ATAD3B: variants seen among roughly 807,000 people sequenced by gnomAD.
ATAD3B encodes the protein ATPase family AAA domain containing 3B, also known as ATPase family AAA domain-containing protein 3B.
ATAD3B carries 59 observed loss-of-function variants against 70.2 expected under a neutral mutation model. The ratio of observed to expected loss-of-function variants is 0.84; its 90% CI spans 0.68 to 1.04. The LOEUF (loss-of-function observed/expected upper bound fraction) is 1.04, where lower values mean the gene tolerates loss of function less well. Among genes scored for constraint, ATAD3B ranks in the 50% least tolerant of loss-of-function variants. The pLI, the probability that ATAD3B is intolerant of heterozygous loss-of-function variation, is 0.00. For missense variants in ATAD3B, 961 were observed against 913.4 expected, an observed-to-expected ratio of 1.05 and a Z score of -0.67; for synonymous variants, 423 against 388.6, an observed-to-expected ratio of 1.09 and a Z score of -1.04.
chr1:1,492,507 T>G (rs1282329943), intron 15 of ATAD3B, among the ~76,000 whole-genome samples: 2 of 149,402 alleles, frequency 1.3e-5, no homozygotes, highest in African/African-American at 4.9e-5. Context: ...AGAAGAATAA[T>G]AATTTGGGCT....
At chr1:1,500,117 C>T (rs1640912663), downstream of ATAD3B, among the ~76,000 whole-genome samples, 1 of 150,416 alleles carries the variant, frequency 6.6e-6, no homozygotes, top group East Asian at 2.0e-4. Context: ...AGGCTGGTTG[C>T]AAACTCCTGA....
chr1:1,476,657 C>T lies in ATAD3B; in HGVS notation c.206-617C>T, dbSNP rs373984723. Among the ~76,000 whole-genome samples, 7 of 151,578 alleles carry T rather than the reference C, an allele frequency of 4.6e-5. No individual in the cohort carries two copies. The East Asian group carries it at 7.7e-4, about 17-fold the overall frequency. ...CTGAGTAGCTAGGACTACAAGTGCC[C>T]GCCGCCACGCCCGGCTAATTTTTTG... is the stretch of plus-strand genomic sequence containing the variant. On this transcript the variant is annotated intron_variant, in intron 1 of 15. Transcript: ENST00000673477.
chr1:1,483,251 C>T (rs774152812), intron 7 of ATAD3B: 25 of 338,246 alleles, frequency 7.4e-5, no homozygotes, highest in South Asian at 1.8e-4. Flanking sequence ...GTCGAGATCC[C>T]GCCACTGCAC....
At chr1:1,486,029 C>G in intron 9 of ATAD3B, 81 bp from the exon 10 acceptor site, 3 of 1,605,688 alleles carry the variant, frequency 1.9e-6, no homozygotes, top group Non-Finnish European at 2.6e-6. Context: ...AGAGTCCGCA[C>G]CCGGGCATTC....
the ATAD3B span, among the ~76,000 whole-genome samples, chr1:1,504,793 T>C: frequency 6.6e-6 from 1 of 152,160 alleles, no homozygotes; most frequent in Non-Finnish European, 1.5e-5. Flanking sequence ...GGAGTGTTCT[T>C]TGCTGGGTCC....
downstream of ATAD3B, among the ~76,000 whole-genome samples, chr1:1,499,438 T>G (rs1173794362): frequency 6.6e-6 from 1 of 150,870 alleles, no homozygotes; most frequent in African/African-American, 2.4e-5. Context: ...GGTTATACCA[T>G]GTTAGCCAGG....
intron 7 of ATAD3B, chr1:1,482,980 G>A (rs1363893635): frequency 2.6e-5 from 12 of 470,232 alleles, no homozygotes; most frequent in Non-Finnish European, 4.2e-5. Flanking sequence ...CATTCTTGGC[G>A]AGAGAATAAG....
intron 13 of ATAD3B, chr1:1,489,733 G>A (rs1025544490): frequency 1.7e-5 from 22 of 1,309,314 alleles, no homozygotes; most frequent in African/African-American, 9.1e-5. Flanking sequence ...CCTGCTGGTC[G>A]GCCGTGGCTG....
In ATAD3B at chr1:1,489,211, T is replaced by G. The variant is rs371083367; in HGVS notation, c.1274T>G (p.Ile425Arg). 10 of 1,613,442 alleles carry G rather than the reference T, an allele frequency of 6.2e-6. No individual in the cohort carries two copies. In the African/African-American group the frequency reaches 1.2e-4, roughly 19 times the overall value. Residue 425 changes from isoleucine to arginine, a missense_variant, in exon 13 of 16, where the codon ATA (isoleucine) becomes AGA (arginine). Physicochemically the swap from Ile to Arg is moderately conservative, Grantham distance 97. Around this residue, in one of 4 missense-constraint regions of ATAD3B, gnomAD observed 417 missense variants for 335.0 expected, o/e 1.24. Coordinates refer to ENST00000673477, the MANE Select transcript of ATAD3B (RefSeq NM_031921.6). ...GGAACCTTCTCTCTGCAGGAGGAGATAAGCAAGGACCTCAGAGCCACACTG... is the reference window on the plus strand; with the variant it reads ...GGAACCTTCTCTCTGCAGGAGGAGAGAAGCAAGGACCTCAGAGCCACACTG... ...AFLRKRATEE[I>R]SKDLRATLNA... is the part of the protein sequence containing the mutation.
intron 6 of ATAD3B, 37 bp from the exon 7 acceptor site, chr1:1,482,508 C>T (rs754094946): frequency 1.4e-5 from 23 of 1,613,132 alleles, no homozygotes; most frequent in Non-Finnish European, 1.5e-5. Flanking sequence ...TACGGATCTT[C>T]GTGTCCTTCC....
Position 1,489,326 on chromosome 1 carries a change from G to A in ATAD3B, c.1337+52G>A, listed in dbSNP as rs756984462. 23 of 1,610,982 alleles carry A rather than the reference G, an allele frequency of 1.4e-5. 2 individuals are homozygous for A. The highest frequency in any genetic ancestry group is 1.2e-4 in the African/African-American group (9 of 74,884). ...CCCCGGGCAGGGCTGTGCAGCCGTCGCCCTTGGTTCCCACTGAGGGTCCCT... is the reference window on the plus strand; with the variant it reads ...CCCCGGGCAGGGCTGTGCAGCCGTCACCCTTGGTTCCCACTGAGGGTCCCT... On this transcript the variant is annotated intron_variant, in intron 13 of 15. Transcript: ENST00000673477.
At chr1:1,487,270 C>G (rs909440942) in intron 11 of ATAD3B, among the ~76,000 whole-genome samples, 8 of 151,768 alleles carry the variant, frequency 5.3e-5, no homozygotes, top group Non-Finnish European at 1.0e-4. Flanking sequence ...CAGGCAGATA[C>G]GAGGCCAGGA....
chr1:1,488,095 C>T (rs892102115), intron 12 of ATAD3B, among the ~76,000 whole-genome samples, 181 bp downstream of exon 12: 5 of 152,018 alleles, frequency 3.3e-5, no homozygotes, highest in African/African-American at 1.2e-4. Context: ...GCTGGGATTA[C>T]AGGTGTTTGC....
intron 11 of ATAD3B, 125 bp from the exon 12 acceptor site, chr1:1,487,738 C>T: frequency 1.6e-6 from 2 of 1,230,756 alleles, no homozygotes; most frequent in Non-Finnish European, 1.2e-6. Context: ...CTTAGGGCTC[C>T]TGATGGGGCA....
At chr1:1,476,053 G>A (rs1639571377) in intron 1 of ATAD3B, among the ~76,000 whole-genome samples, 1 of 143,008 alleles carries the variant, frequency 7.0e-6, no homozygotes, top group Non-Finnish European at 1.5e-5. Flanking sequence ...AGAGCCCGGG[G>A]TCGCTTCAGC....
At chr1:1,485,520 C>A (rs889953137) in intron 8 of ATAD3B, among the ~76,000 whole-genome samples, 15 of 152,080 alleles carry the variant, frequency 9.9e-5, no homozygotes, top group Non-Finnish European at 1.6e-4. Flanking sequence ...GCGCCGCTTG[C>A]CAGCCCCTGA....
In ATAD3B at chr1:1,491,273, C is replaced by T. The variant is rs1268735067; in HGVS notation, c.1614+602C>T. On this transcript the variant is annotated intron_variant, in intron 15 of 15. Transcript: ENST00000673477. ...TGATCAGGCCGGGCGCGGTGGCTCACGCCTGCAATCCCAGCACTTTGGGAG... is the reference window on the plus strand; with the variant it reads ...TGATCAGGCCGGGCGCGGTGGCTCATGCCTGCAATCCCAGCACTTTGGGAG... Among the ~76,000 whole-genome samples, 11 of 152,016 alleles carry T rather than the reference C, an allele frequency of 7.2e-5. 1 individual carries two copies. The highest frequency in any genetic ancestry group is 2.1e-4 in the South Asian group (1 of 4,806).
chr1:1,508,207 G>T, the ATAD3B span, among the ~76,000 whole-genome samples: 1 of 151,426 alleles, frequency 6.6e-6, no homozygotes, highest in Non-Finnish European at 1.5e-5. Context: ...TACGGCTCCA[G>T]TCAGTGTCTC....
intron 13 of ATAD3B, chr1:1,489,757 G>A (rs1398762251): frequency 6.1e-6 from 8 of 1,306,790 alleles, no homozygotes; most frequent in African/African-American, 3.0e-5. Context: ...CTTCAGGCAC[G>A]TTGGGCTCCT....
Sources: allele counts gnomAD v4.1 joint callset (sites outside exome capture counted in the v4.1 genomes callset), GRCh38; gene constraint gnomAD v4.1.1; regional missense constraint gnomAD v4.1.1; transcripts MANE v1.5; gene names NCBI Gene and HGNC (gene_info 2026-07-23, HGNC 2026-07-21).